NEURL1B: variants seen among roughly 807,000 people sequenced by gnomAD.
NEURL1B encodes the protein E3 ubiquitin-protein ligase NEURL1B.
Under a neutral mutation model 37.4 loss-of-function variants are expected in NEURL1B, and 13 were observed. That is an observed-to-expected ratio of 0.35 (90% CI 0.23 to 0.55). The LOEUF (loss-of-function observed/expected upper bound fraction) is 0.55. Ranked by LOEUF, NEURL1B falls within the 20% of genes least tolerant of loss-of-function variation. NEURL1B has a pLI of 0.89. For missense variants in NEURL1B, 790 were observed against 879.2 expected (o/e 0.90, Z 1.28); for synonymous variants, 432 against 426.6 (o/e 1.01, Z -0.16).
Position 172,675,766 on chromosome 5 carries a change from T to A in NEURL1B, c.577+5436T>A, listed in dbSNP as rs533874674. On this transcript the variant is annotated intron_variant, in intron 2 of 4. Coordinates refer to ENST00000369800, the MANE Select transcript of NEURL1B (RefSeq NM_001142651.3). The surrounding 1 kb of genome is among the most constrained non-coding windows in gnomAD (Gnocchi z 4.7). ...TTGTATTATAGTTAACATTTCAGCA[T>A]CACTAATCTGATATCCGAAAATCAC... Among the ~76,000 whole-genome samples, 3 of 152,338 alleles carry A rather than the reference T, an allele frequency of 2.0e-5. No individual in the cohort carries two copies. The South Asian group carries it at 6.2e-4, about 32-fold the overall frequency.
chr5:172,677,500 A>T (rs965584179), intron 2 of NEURL1B, among the ~76,000 whole-genome samples: 6 of 152,142 alleles, frequency 3.9e-5, no homozygotes, highest in Non-Finnish European at 7.4e-5. Context: ...CCAGGGTCCA[A>T]CCGAGGCCTG....
At chr5:172,663,799 A>G (rs1159063268) in intron 1 of NEURL1B, among the ~76,000 whole-genome samples, 2 of 85,646 alleles carry the variant, frequency 2.3e-5, no homozygotes, top group East Asian at 3.5e-4. Context: ...TGGTTTGGGG[A>G]CCTCTTCCTG....
rs946539138 is a variant in NEURL1B at position 172,665,418 on chromosome 5, T to C, written c.32-4367T>C. On this transcript the variant is annotated intron_variant, in intron 1 of 4. Coordinates refer to ENST00000369800, the MANE Select transcript of NEURL1B (RefSeq NM_001142651.3). The surrounding 1 kb of genome is among the most constrained non-coding windows in gnomAD (Gnocchi z 4.1). The stretch of plus-strand genomic sequence containing the variant: ...CCTCTTAACCTCGTGGTTCTAGAGA[T>C]GGCCCACAGCCTGACTCTGCGTCCA... Among the ~76,000 whole-genome samples the C allele has an allele frequency of 2.0e-5, 3 of 152,198 alleles. No homozygotes were observed. The highest frequency in any genetic ancestry group is 7.2e-5 in the African/African-American group (3 of 41,448).
chr5:172,667,817 A>T (rs939070705), intron 1 of NEURL1B, among the ~76,000 whole-genome samples: 1 of 151,378 alleles, frequency 6.6e-6, no homozygotes, highest in Non-Finnish European at 1.5e-5. Context: ...TAAAATGGTT[A>T]AAGAAAAATC....
chr5:172,672,540 TC>T (rs9313602), intron 2 of NEURL1B, among the ~76,000 whole-genome samples: 3 of 136,202 alleles, frequency 2.2e-5, no homozygotes, highest in Admixed American at 7.4e-5. Context: ...AGGTGAACTC[TC>T]CCCCCCCCAC....
At chr5:172,684,514 C>A (rs530241127) in intron 3 of NEURL1B, among the ~76,000 whole-genome samples, 1 of 152,264 alleles carries the variant, frequency 6.6e-6, no homozygotes, top group South Asian at 2.1e-4. Context: ...ATTTTTAGTT[C>A]CGTTGTTACG....
chr5:172,653,804 A>C (rs189719490), intron 1 of NEURL1B, among the ~76,000 whole-genome samples: 168 of 152,340 alleles, frequency 1.1e-3, no homozygotes, highest in Non-Finnish European at 1.8e-3. Context: ...ATTACTTTTA[A>C]ATTATACAAC....
At chr5:172,673,511 A>T (rs1758170507) in intron 2 of NEURL1B, among the ~76,000 whole-genome samples, 1 of 152,218 alleles carries the variant, frequency 6.6e-6, no homozygotes, top group Admixed American at 6.5e-5. Flanking sequence ...GAAAACCAAC[A>T]AACAAAAGTG....
chr5:172,669,728 T>G (rs1758082133), intron 1 of NEURL1B, 57 bp from the exon 2 acceptor site: 1 of 1,159,146 alleles, frequency 8.6e-7, no homozygotes, highest in Non-Finnish European at 1.1e-6. Context: ...TAAAGACCAA[T>G]CGGGGCCCGC....
At chr5:172,685,734 G>C (rs1402175346) in intron 3 of NEURL1B, among the ~76,000 whole-genome samples, 1 of 152,182 alleles carries the variant, frequency 6.6e-6, no homozygotes, top group Non-Finnish European at 1.5e-5. Flanking sequence ...CCTTTGCCAC[G>C]GGTTGGCTCT....
At chr5:172,677,527 T>C (rs1374587729) in intron 2 of NEURL1B, among the ~76,000 whole-genome samples, 1 of 152,142 alleles carries the variant, frequency 6.6e-6, no homozygotes, top group African/African-American at 2.4e-5. Flanking sequence ...CAGTCCAGCC[T>C]TCTCTGGTTG....
At position 172,690,141 on chromosome 5, in the gene NEURL1B, A is replaced by G. The variant is rs1109845; in HGVS notation, c.*3216A>G. The stretch of plus-strand genomic sequence containing the variant: ...GCAGCCAGGGCTCCAGGGCGAGGAC[A>G]GGGGACACCTGAAAACACCCCGTTG... On this transcript the variant is annotated 3_prime_UTR_variant, in exon 5 of 5. Coordinates refer to ENST00000369800, the MANE Select transcript of NEURL1B (RefSeq NM_001142651.3). 62,090 of 152,234 alleles carry G rather than the reference A, an allele frequency of 0.41. 12,816 individuals are homozygous for G. The highest frequency in any genetic ancestry group is 0.48 in the East Asian group (2,473 of 5,170). 9.4% of individuals were successfully genotyped at this position (152,234 alleles called of 1,614,324 possible).
intron 1 of NEURL1B, among the ~76,000 whole-genome samples, chr5:172,653,666 C>A (rs1485883890): frequency 6.6e-6 from 1 of 152,146 alleles, no homozygotes; most frequent in Non-Finnish European, 1.5e-5. Context: ...AAAATTTTAA[C>A]CTTTTAATGT....
chr5:172,662,690 T>G (rs953213083), intron 1 of NEURL1B, among the ~76,000 whole-genome samples: 2 of 152,096 alleles, frequency 1.3e-5, no homozygotes, highest in East Asian at 3.8e-4. Flanking sequence ...GCCCATGAAG[T>G]AAATCTCAGA....
intron 1 of NEURL1B, among the ~76,000 whole-genome samples, chr5:172,651,823 G>T (rs1158821441): frequency 1.3e-5 from 2 of 152,124 alleles, no homozygotes; most frequent in Non-Finnish European, 2.9e-5. Context: ...ATTCCCCATG[G>T]GACTCCAATT....
rs541689320 is a variant in NEURL1B, at chr5:172,687,968, C to G, written c.*1043C>G. 5.7e-4 allele frequency: 87 copies of G among 152,736 alleles called. No homozygotes were observed. The highest frequency in any genetic ancestry group is 1.9e-3 in the African/African-American group (79 of 41,572). The allele number at this position is 152,736 out of a possible 1,614,324, so 9.5% of individuals were successfully genotyped here. A position where few individuals can be genotyped will look rare whatever the true frequency, so the allele number is the denominator to read the frequency against. ...TTGGTTATAACTTTTGGTCTTTGTT[C>G]TGATTCTCAGTGTATCTTCCTCCGC... is the stretch of plus-strand genomic sequence containing the variant. On this transcript the variant is annotated 3_prime_UTR_variant, in exon 5 of 5. Transcript: ENST00000369800.
chr5:172,672,936 G>C (rs1758159216), intron 2 of NEURL1B, among the ~76,000 whole-genome samples: 1 of 152,132 alleles, frequency 6.6e-6, no homozygotes, highest in African/African-American at 2.4e-5. Flanking sequence ...TGCTTTTACA[G>C]TCAGAAAGAG....
intron 1 of NEURL1B, among the ~76,000 whole-genome samples, chr5:172,655,718 C>T (rs1372885890): frequency 2.0e-5 from 3 of 151,554 alleles, no homozygotes; most frequent in Admixed American, 6.6e-5. Flanking sequence ...AGGTTGCTGG[C>T]CAGTGTTTGT....
chr5:172,651,524 T>A (rs1757664365), intron 1 of NEURL1B, among the ~76,000 whole-genome samples: 1 of 152,210 alleles, frequency 6.6e-6, no homozygotes, highest in South Asian at 2.1e-4. Context: ...ATACTTCCAT[T>A]AGGGGCGGTG....
Sources: gnomAD v4.1 joint callset for allele counts (sites outside exome capture counted in the v4.1 genomes callset) on GRCh38, gnomAD v4.1.1 for gene constraint, Gnocchi (gnomAD v3.1) non-coding constraint, MANE v1.5 for transcripts, NCBI Gene and HGNC (gene_info 2026-07-23, HGNC 2026-07-21) for gene names.